WBP1L: variants seen among roughly 807,000 people sequenced by gnomAD.
WBP1L encodes the protein WW domain binding protein 1-like.
WBP1L carries 17 observed loss-of-function variants against 33.7 expected under a neutral mutation model. That is an observed-to-expected ratio of 0.50 (90% CI 0.34 to 0.76). The LOEUF (loss-of-function observed/expected upper bound fraction) is 0.76. Ranked by LOEUF, WBP1L falls within the 30% of genes least tolerant of loss-of-function variation. The probability of loss-of-function intolerance (pLI) is 0.01; values close to 1 mark genes in which losing one functional copy is unlikely to be tolerated. For missense variants in WBP1L, 389 were observed against 469.4 expected (o/e 0.83, Z 1.58); for synonymous variants, 173 against 190.8 (o/e 0.91, Z 0.77).
At chr10:102,801,114 C>T (rs977326522) in intron 2 of WBP1L, among the ~76,000 whole-genome samples, 4 of 152,146 alleles carry the variant, frequency 2.6e-5, no homozygotes, top group Admixed American at 6.6e-5. Flanking sequence ...GAGCTCTGGC[C>T]GGCAACCTTT....
intron 1 of WBP1L, among the ~76,000 whole-genome samples, chr10:102,771,376 G>A (rs192076421): frequency 6.6e-6 from 1 of 152,184 alleles, no homozygotes; most frequent in East Asian, 1.9e-4. Context: ...GGGTAACATA[G>A]CAAGACTCCC....
chr10:102,759,717 T>G (rs1431492947), intron 1 of WBP1L, among the ~76,000 whole-genome samples: 1 of 152,144 alleles, frequency 6.6e-6, no homozygotes, highest in East Asian at 1.9e-4. Flanking sequence ...GAGTAAGCTA[T>G]TCACAGGAAA....
chr10:102,771,496 C>T (rs1843186020), intron 1 of WBP1L, among the ~76,000 whole-genome samples: 1 of 152,030 alleles, frequency 6.6e-6, no homozygotes, highest in South Asian at 2.1e-4. Flanking sequence ...AGGAAGCCCT[C>T]ATCTATAATG....
chr10:102,795,735 A>G (rs769969530), intron 1 of WBP1L, among the ~76,000 whole-genome samples: 8 of 152,222 alleles, frequency 5.3e-5, no homozygotes, highest in Non-Finnish European at 7.3e-5. Context: ...GACACTTTGA[A>G]CTGTGCTCTT....
At chr10:102,746,144 A>G (rs1207267808) in intron 1 of WBP1L, 3 of 985,350 alleles carry the variant, frequency 3.0e-6, no homozygotes, top group Middle Eastern at 5.2e-4. Flanking sequence ...TGGAAAGTGG[A>G]GGTTCCTACC....
At chr10:102,768,979 C>T (rs1187249742) in intron 1 of WBP1L, among the ~76,000 whole-genome samples, 2 of 152,172 alleles carry the variant, frequency 1.3e-5, no homozygotes, top group East Asian at 1.9e-4. Flanking sequence ...TGAGCCATTG[C>T]GCTTGGCCTC....
At position 102,810,035 on chromosome 10, in the gene WBP1L, A is replaced by C; in HGVS notation, c.336A>C (p.Ser112=). 1 of 1,612,716 alleles carries C rather than the reference A, an allele frequency of 6.2e-7. No homozygotes were observed. The highest frequency in any genetic ancestry group is 8.5e-7 in the Non-Finnish European group (1 of 1,179,574). ...CTTACCGAGAAGCCCACAATTACTC[A>C]GCGCTGCCATTTTATTTCAGTACGT... ...LIAYREAHNY[S]ALPFYFRFLP... The change falls in exon 3 of 4, where the codon TCA becomes TCC. Residue 112 remains serine, a synonymous_variant. Transcript: ENST00000448841.
Position 102,812,915 on chromosome 10 carries a change from G to A in WBP1L, c.676G>A (p.Glu226Lys), listed in dbSNP as rs549291602. 11 of 1,585,282 alleles carry A rather than the reference G, an allele frequency of 6.9e-6. No individual in the cohort carries two copies. In the South Asian group the frequency reaches 1.2e-4, roughly 17 times the overall value. Reference sequence around the variant, plus strand: ...CAGTGGCTCTGTGGCTGGCCTGGGGGAGCTGGACCCGGGGGCCTTCCTGGA... The same window carrying A: ...CAGTGGCTCTGTGGCTGGCCTGGGGAAGCTGGACCCGGGGGCCTTCCTGGA... ...EPSGSVAGLG[E>K]LDPGAFLDKD... is the part of the protein sequence containing the mutation. The change falls in exon 4 of 4, where the codon GAG becomes AAG. Residue 226 changes from glutamate to lysine, a missense_variant. Coordinates refer to ENST00000448841, the MANE Select transcript of WBP1L (RefSeq NM_001083913.2).
intron 1 of WBP1L, among the ~76,000 whole-genome samples, chr10:102,787,395 T>G (rs908683979): frequency 2.0e-5 from 3 of 152,020 alleles, no homozygotes; most frequent in Non-Finnish European, 4.4e-5. Context: ...GAGACCAGCC[T>G]GAGCAACGTA....
intron 2 of WBP1L, among the ~76,000 whole-genome samples, chr10:102,808,956 T>C (rs1404828053): frequency 1.3e-5 from 2 of 152,208 alleles, no homozygotes; most frequent in Non-Finnish European, 2.9e-5. Context: ...TATTTAATGC[T>C]CACAAAACCT....
intron 1 of WBP1L, chr10:102,746,018 G>A: frequency 2.8e-6 from 1 of 354,330 alleles, no homozygotes; most frequent in Non-Finnish European, 4.0e-6. Flanking sequence ...CGAAAAGGCT[G>A]TCCCCAGTAA....
At chr10:102,756,807 G>A (rs1457148201) in intron 1 of WBP1L, among the ~76,000 whole-genome samples, 1 of 151,906 alleles carries the variant, frequency 6.6e-6, no homozygotes. Flanking sequence ...ACTGGCTCAC[G>A]CCTGTAATCC....
chr10:102,744,371 G>A (rs2134020701), intron 1 of WBP1L: 2 of 985,352 alleles, frequency 2.0e-6, no homozygotes, highest in South Asian at 4.7e-5. Flanking sequence ...AGTGAGGGGC[G>A]TTTGAGACGG....
intron 1 of WBP1L, among the ~76,000 whole-genome samples, chr10:102,786,355 T>A (rs1172884377): frequency 1.3e-5 from 2 of 152,216 alleles, no homozygotes; most frequent in Non-Finnish European, 2.9e-5. Context: ...TATTTCATGT[T>A]TAGAGAGCAG....
At chr10:102,810,475 CTCCTTCCTTCCTTCCCTCCT>C (rs1440600016) in intron 3 of WBP1L, among the ~76,000 whole-genome samples, 5 of 55,630 alleles carry the variant, frequency 9.0e-5, no homozygotes, top group Admixed American at 8.4e-4. Flanking sequence ...CCTTCCTTCC[CTCCTTCCTTCCTTCCCTCCT>C]TCCTTCCTTC....
chr10:102,754,670 G>A (rs901737896), intron 1 of WBP1L, among the ~76,000 whole-genome samples: 1 of 152,092 alleles, frequency 6.6e-6, no homozygotes, highest in African/African-American at 2.4e-5. Context: ...TGGGCTTACA[G>A]GCATGAGACA....
At chr10:102,750,993 A>C (rs1412180865) in intron 1 of WBP1L, among the ~76,000 whole-genome samples, 1 of 151,840 alleles carries the variant, frequency 6.6e-6, no homozygotes, top group Non-Finnish European at 1.5e-5. Context: ...TATTTCACTT[A>C]CCATAAGGTT....
chr10:102,763,619 G>A (rs549676661), intron 1 of WBP1L, among the ~76,000 whole-genome samples: 1 of 152,272 alleles, frequency 6.6e-6, no homozygotes, highest in Non-Finnish European at 1.5e-5. Context: ...GGAGTCCCAT[G>A]GGAAGACCTC....
At chr10:102,751,571 G>T (rs1157744293) in intron 1 of WBP1L, among the ~76,000 whole-genome samples, 1 of 152,224 alleles carries the variant, frequency 6.6e-6, no homozygotes, top group Non-Finnish European at 1.5e-5. Flanking sequence ...GCCTCTCAAA[G>T]TGTTGGGATT....
Sources: gnomAD v4.1 joint callset for allele counts (sites outside exome capture counted in the v4.1 genomes callset) on GRCh38, gnomAD v4.1.1 for gene constraint, MANE v1.5 for transcripts, NCBI Gene and HGNC (gene_info 2026-07-23, HGNC 2026-07-21) for gene names.